The following SNTG1 variants were observed in gnomAD, a reference collection of about 807,000 sequenced individuals.
The protein encoded by SNTG1 is gamma-1-syntrophin.
In SNTG1, 39 loss-of-function variants were observed where a neutral mutation model predicts 74.7. The ratio of observed to expected loss-of-function variants is 0.52; its 90% CI spans 0.40 to 0.68. SNTG1 has a LOEUF of 0.68. Among genes scored for constraint, SNTG1 ranks in the 30% least tolerant of loss-of-function variants. The probability of loss-of-function intolerance (pLI) is 0.00; values close to 1 mark genes in which losing one functional copy is unlikely to be tolerated. For missense variants in SNTG1, 685 were observed against 609.5 expected (o/e 1.12, Z -1.30); for synonymous variants, 254 against 217.1 (o/e 1.17, Z -1.49).
chr8:50,473,540 C>T (rs529710404), intron 8 of SNTG1, among the ~76,000 whole-genome samples: 2 of 152,130 alleles, frequency 1.3e-5, no homozygotes, highest in Non-Finnish European at 2.9e-5. Context: ...ACATAGCTAC[C>T]ATATGATCCA....
chr8:50,177,613 G>C (rs1369345253), intron 2 of SNTG1, among the ~76,000 whole-genome samples: 1 of 152,178 alleles, frequency 6.6e-6, no homozygotes, highest in Admixed American at 6.5e-5. Context: ...AGAGGCAAAC[G>C]TTGACAAGTG....
intron 4 of SNTG1, among the ~76,000 whole-genome samples, chr8:50,434,658 C>T (rs10104472): frequency 0.011 from 1,662 of 152,164 alleles, 32 homozygotes; most frequent in African/African-American, 0.036. Context: ...AGCATTTATT[C>T]ATGTGTCTGT....
Position 50,329,165 on chromosome 8 carries a change from G to A in SNTG1, c.-27-65047G>A, listed in dbSNP as rs568204738. On this transcript the variant is annotated intron_variant, in intron 2 of 18. Transcript: ENST00000642720. The stretch of plus-strand genomic sequence containing the variant: ...TGGCACTGCAGGGTTCAACCTCCCC[G>A]ATACCCTCCCCTGGCTGCTTTCACA... 6.6e-5 allele frequency among the ~76,000 whole-genome samples: 10 copies of A among 152,208 alleles called. No homozygotes were observed. In the East Asian group the frequency reaches 7.7e-4, roughly 12 times the overall value.
At chr8:50,718,810 A>G (rs1227407664) in intron 17 of SNTG1, among the ~76,000 whole-genome samples, 1 of 152,190 alleles carries the variant, frequency 6.6e-6, no homozygotes, top group East Asian at 1.9e-4. Context: ...TGGCCTCAAA[A>G]ATAAAACTAT....
chr8:50,601,152 CAAAAAAAAAAAA>C (rs71235311), intron 13 of SNTG1, among the ~76,000 whole-genome samples: 84 of 31,434 alleles, frequency 2.7e-3, no homozygotes, highest in African/African-American at 0.015. Flanking sequence ...GCCAGCGAGA[CAAAAAAAAAAAA>C]AAAAAAAAAA....
At chr8:50,711,779 T>G (rs990821639) in intron 17 of SNTG1, among the ~76,000 whole-genome samples, 1 of 152,146 alleles carries the variant, frequency 6.6e-6, no homozygotes, top group Non-Finnish European at 1.5e-5. Context: ...TATCAAGAGG[T>G]GATACATTCT....
chr8:50,122,141 A>G (rs756422028), intron 1 of SNTG1, among the ~76,000 whole-genome samples: 1 of 141,528 alleles, frequency 7.1e-6, no homozygotes, highest in Non-Finnish European at 1.6e-5. Context: ...CACACCTTGT[A>G]AGTTGTGCCC....
At chr8:49,947,259 C>T (rs543925689) in intron 1 of SNTG1, among the ~76,000 whole-genome samples, 1 of 152,114 alleles carries the variant, frequency 6.6e-6, no homozygotes, top group Admixed American at 6.5e-5. Context: ...AAGATCCCAC[C>T]ATTGCACTCC....
chr8:50,653,391 C>T (rs1050398052), intron 13 of SNTG1, among the ~76,000 whole-genome samples: 1 of 151,938 alleles, frequency 6.6e-6, no homozygotes, highest in Non-Finnish European at 1.5e-5. Context: ...GAACTGTGAC[C>T]CCCACACTTC....
intron 2 of SNTG1, among the ~76,000 whole-genome samples, chr8:50,259,569 A>C: frequency 6.7e-6 from 1 of 148,432 alleles, no homozygotes; most frequent in South Asian, 2.2e-4. Flanking sequence ...AGAAAGAAAG[A>C]AAGAGAAAAT....
At chr8:50,769,051 T>C (rs1421089035) in intron 18 of SNTG1, among the ~76,000 whole-genome samples, 1 of 151,976 alleles carries the variant, frequency 6.6e-6, no homozygotes, top group Non-Finnish European at 1.5e-5. Flanking sequence ...TTATTTTTAT[T>C]TTTCATTGAT....
At chr8:50,583,411 A>AAG (rs1248110233) in intron 12 of SNTG1, among the ~76,000 whole-genome samples, 10 of 151,640 alleles carry the variant, frequency 6.6e-5, no homozygotes, top group Admixed American at 2.6e-4. Flanking sequence ...AAAAAAAAAA[A>AAG]AAAGAAAGAA....
intron 15 of SNTG1, among the ~76,000 whole-genome samples, chr8:50,692,547 G>A (rs1325986011): frequency 5.3e-5 from 8 of 152,126 alleles, no homozygotes; most frequent in African/African-American, 1.4e-4. Flanking sequence ...TTTCAGCAGC[G>A]GTGGCTGCAG....
chr8:50,053,655 G>A (rs903684847), intron 1 of SNTG1, among the ~76,000 whole-genome samples: 17 of 150,614 alleles, frequency 1.1e-4, no homozygotes, highest in South Asian at 2.1e-4. Flanking sequence ...GTGTGTGTGT[G>A]TGTATAATCC....
intron 10 of SNTG1, among the ~76,000 whole-genome samples, chr8:50,536,330 T>A (rs2094307038): frequency 6.6e-6 from 1 of 151,534 alleles, no homozygotes; most frequent in Admixed American, 6.6e-5. Flanking sequence ...CTTCACTTAA[T>A]TGGTTAATTA....
chr8:50,559,914 A>G (rs575013872), intron 12 of SNTG1, among the ~76,000 whole-genome samples: 2 of 152,316 alleles, frequency 1.3e-5, no homozygotes, highest in African/African-American at 4.8e-5. Context: ...CAGCAAAAGA[A>G]ATTATCCTCA....
chr8:50,591,866 C>G (rs941859529), intron 13 of SNTG1, among the ~76,000 whole-genome samples: 14 of 152,298 alleles, frequency 9.2e-5, no homozygotes, highest in African/African-American at 3.4e-4. Context: ...AAGTTGATAT[C>G]TTGGATAAAT....
intron 1 of SNTG1, among the ~76,000 whole-genome samples, chr8:49,948,299 T>A (rs985513854): frequency 2.8e-4 from 42 of 152,218 alleles, no homozygotes; most frequent in Non-Finnish European, 4.7e-4. Context: ...CTCCAAAAAC[T>A]GTTTTATGTA....
At chr8:50,523,632 C>T (rs935249796) in intron 9 of SNTG1, among the ~76,000 whole-genome samples, 8 of 152,016 alleles carry the variant, frequency 5.3e-5, no homozygotes, top group African/African-American at 1.7e-4. Flanking sequence ...CCTTATGTGG[C>T]GTGGTTTGTG....
Sources: allele counts gnomAD v4.1 joint callset (sites outside exome capture counted in the v4.1 genomes callset), GRCh38; gene constraint gnomAD v4.1.1; transcripts MANE v1.5; gene names NCBI Gene and HGNC (gene_info 2026-07-23, HGNC 2026-07-21).